PARD3: variants seen among roughly 807,000 people sequenced by gnomAD.
PARD3 encodes partitioning defective 3 homolog.
PARD3 carries 75 observed loss-of-function variants against 155.4 expected under a neutral mutation model. The ratio of observed to expected loss-of-function variants is 0.48; its 90% CI spans 0.40 to 0.58. The LOEUF (loss-of-function observed/expected upper bound fraction) is 0.58. PARD3 is among the 20% of genes least tolerant of loss of function. The probability of loss-of-function intolerance (pLI) is 0.00; values close to 1 mark genes in which losing one functional copy is unlikely to be tolerated. For synonymous variants in PARD3, 576 were observed against 610.5 expected, an observed-to-expected ratio of 0.94 and a Z score of 0.83; for missense variants, 1,642 against 1,721.7, an observed-to-expected ratio of 0.95 and a Z score of 0.82.
At chr10:34,559,011 A>C (rs2085245092) in intron 2 of PARD3, among the ~76,000 whole-genome samples, 1 of 152,112 alleles carries the variant, frequency 6.6e-6, no homozygotes, top group Admixed American at 6.6e-5. Context: ...TTTTTCTAGA[A>C]GAATCTTCAT....
At chr10:34,805,037 T>C (rs772520411) in intron 1 of PARD3, among the ~76,000 whole-genome samples, 4 of 152,228 alleles carry the variant, frequency 2.6e-5, no homozygotes, top group Non-Finnish European at 5.9e-5. Flanking sequence ...ATTAGTTTTC[T>C]AATCTAAAGG....
chr10:34,620,242 GAT>G (rs1407249495), intron 2 of PARD3, among the ~76,000 whole-genome samples: 1 of 152,012 alleles, frequency 6.6e-6, no homozygotes, highest in Non-Finnish European at 1.5e-5. Context: ...TGACAACCAA[GAT>G]ATGACTCCTA....
intron 20 of PARD3, among the ~76,000 whole-genome samples, chr10:34,303,097 C>T (rs1589113634): frequency 1.3e-5 from 2 of 149,884 alleles, no homozygotes; most frequent in East Asian, 1.9e-4. Flanking sequence ...ACCTGCCCAT[C>T]ATTAGAAACC....
intron 3 of PARD3, among the ~76,000 whole-genome samples, chr10:34,481,769 T>C (rs941161423): frequency 2.8e-4 from 42 of 152,140 alleles, no homozygotes; most frequent in African/African-American, 9.9e-4. Context: ...GGCCAAGATG[T>C]TGAGAGTCAT....
intron 22 of PARD3, among the ~76,000 whole-genome samples, chr10:34,176,137 G>C (rs930514108): frequency 6.6e-6 from 1 of 152,118 alleles, no homozygotes; most frequent in African/African-American, 2.4e-5. Context: ...AAAAAAAGGA[G>C]GCTATTATCA....
chr10:34,219,451 T>C (rs1952170226), intron 22 of PARD3, among the ~76,000 whole-genome samples: 1 of 152,206 alleles, frequency 6.6e-6, no homozygotes, highest in Admixed American at 6.5e-5. Flanking sequence ...AGCGGGGGTA[T>C]GCACCCCCCT....
chr10:34,161,301 A>AG (rs1949269811), intron 22 of PARD3, among the ~76,000 whole-genome samples: 1 of 151,570 alleles, frequency 6.6e-6, no homozygotes, highest in Non-Finnish European at 1.5e-5. Context: ...TGGGGAGAAG[A>AG]GGGGAGTGGG....
chr10:34,504,427 A>AT (rs932701969), intron 3 of PARD3, among the ~76,000 whole-genome samples: 7 of 107,322 alleles, frequency 6.5e-5, no homozygotes, highest in African/African-American at 2.6e-4. Context: ...TGTCCCCAAG[A>AT]TTAAAAAAAA....
chr10:34,418,085 TC>T (rs1845841618), intron 5 of PARD3, among the ~76,000 whole-genome samples: 1 of 152,182 alleles, frequency 6.6e-6, no homozygotes, highest in Admixed American at 6.6e-5. Context: ...ATAGTGAACT[TC>T]GAAATTTAAA....
chr10:34,210,505 G>T (rs1417877561), intron 22 of PARD3, among the ~76,000 whole-genome samples: 1 of 152,118 alleles, frequency 6.6e-6, no homozygotes, highest in Non-Finnish European at 1.5e-5. Context: ...ATACGTAACA[G>T]CTCAAGGTGT....
chr10:34,209,110 A>G (rs995202821), intron 22 of PARD3, among the ~76,000 whole-genome samples: 1 of 152,230 alleles, frequency 6.6e-6, no homozygotes, highest in Non-Finnish European at 1.5e-5. Context: ...AACTAGAGGG[A>G]AAAAGATGAC....
intron 20 of PARD3, among the ~76,000 whole-genome samples, chr10:34,295,179 T>C (rs1284201120): frequency 6.6e-6 from 1 of 152,168 alleles, no homozygotes; most frequent in East Asian, 1.9e-4. Context: ...CTAAATATTA[T>C]TTACGACTCA....
In PARD3 at chr10:34,269,665, A is replaced by C; in HGVS notation, c.3411T>G (p.Pro1137=). Reference sequence around the variant, plus strand: ...TTGCCCCTGGCGCCTACCTGTCTACAGGTGAGGGTTTGGAATTCCGCGGCT... The same window carrying C: ...TTGCCCCTGGCGCCTACCTGTCTACCGGTGAGGGTTTGGAATTCCGCGGCT... ...VKKPRNSKPS[P]VDSNRSTPSN... is the part of the protein sequence containing the mutation. Residue 1137 remains proline, a synonymous_variant, in exon 22 of 25, where the codon CCT becomes CCG. Coordinates refer to ENST00000374788, the MANE Select transcript of PARD3 (RefSeq NM_001184785.2). 1 of 1,613,992 alleles carries C rather than the reference A, an allele frequency of 6.2e-7. No individual in the cohort carries two copies.
intron 1 of PARD3, among the ~76,000 whole-genome samples, chr10:34,730,728 A>C (rs1001472811): frequency 6.6e-6 from 1 of 152,238 alleles, no homozygotes; most frequent in Non-Finnish European, 1.5e-5. Context: ...ACAAGGCTGC[A>C]GTGAGCTATG....
chr10:34,448,163 G>GTGTGTGTGTGTGTA (rs373479806), intron 5 of PARD3, among the ~76,000 whole-genome samples: 34 of 149,640 alleles, frequency 2.3e-4, no homozygotes, highest in African/African-American at 8.4e-4. Flanking sequence ...GTGTGTGTGT[G>GTGTGTGTGTGTGTA]TACACATAAA....
At chr10:34,138,469 T>C in intron 22 of PARD3, among the ~76,000 whole-genome samples, 1 of 152,208 alleles carries the variant, frequency 6.6e-6, no homozygotes. Context: ...AGTGCTTTCC[T>C]GGAGCCTGGT....
chr10:34,580,751 A>C (rs1336352305), intron 2 of PARD3, among the ~76,000 whole-genome samples: 1 of 152,192 alleles, frequency 6.6e-6, no homozygotes, highest in East Asian at 1.9e-4. Flanking sequence ...TTCCACCATA[A>C]CTTAAAGAGT....
intron 22 of PARD3, among the ~76,000 whole-genome samples, chr10:34,215,766 C>T (rs930546748): frequency 3.9e-5 from 6 of 152,160 alleles, no homozygotes; most frequent in African/African-American, 9.7e-5. Context: ...GAATTATATT[C>T]GCAGTTAAAT....
chr10:34,506,923 T>C (rs1420132968), intron 3 of PARD3, among the ~76,000 whole-genome samples: 3 of 152,236 alleles, frequency 2.0e-5, no homozygotes, highest in Non-Finnish European at 4.4e-5. Context: ...ACAGTGCTCC[T>C]GCTGCTGCAC....
Sources: gnomAD v4.1 joint callset for allele counts (sites outside exome capture counted in the v4.1 genomes callset) on GRCh38, gnomAD v4.1.1 for gene constraint, MANE v1.5 for transcripts, NCBI Gene and HGNC (gene_info 2026-07-23, HGNC 2026-07-21) for gene names.